The following RREB1 variants were observed in gnomAD, a reference collection of about 807,000 sequenced individuals.
The protein encoded by RREB1 is ras-responsive element-binding protein 1.
A neutral mutation model predicts 117.8 loss-of-function variants in RREB1; 27 were observed. The ratio of observed to expected loss-of-function variants is 0.23; its 90% CI spans 0.17 to 0.32. RREB1 has a LOEUF of 0.32. Ranked by LOEUF, RREB1 falls within the 10% of genes least tolerant of loss-of-function variation. The probability of loss-of-function intolerance (pLI) is 1.00; values close to 1 mark genes in which losing one functional copy is unlikely to be tolerated. For synonymous variants in RREB1, 1,298 were observed against 1,026.7 expected, an observed-to-expected ratio of 1.26 and a Z score of -5.05; for missense variants, 2,577 against 2,378.2, an observed-to-expected ratio of 1.08 and a Z score of -1.74.
chr6:7,138,999 A>G (rs1738827166), intron 1 of RREB1, among the ~76,000 whole-genome samples: 1 of 152,168 alleles, frequency 6.6e-6, no homozygotes, highest in Admixed American at 6.5e-5. Flanking sequence ...AGGTTCACAC[A>G]TGTGAGAACA....
At chr6:7,218,660 C>T (rs1411956156) in intron 8 of RREB1, 1 of 152,004 alleles carries the variant, frequency 6.6e-6, no homozygotes. Context: ...GATAGTTATT[C>T]CTGATAAGTA....
At chr6:7,222,476 A>G (rs911141555) in intron 8 of RREB1, among the ~76,000 whole-genome samples, 6 of 151,960 alleles carry the variant, frequency 3.9e-5, no homozygotes, top group African/African-American at 9.7e-5. Context: ...CCTACCACCC[A>G]CTGTTCCACA....
At chr6:7,118,723 C>A (rs181791389) in intron 1 of RREB1, among the ~76,000 whole-genome samples, 3 of 150,932 alleles carry the variant, frequency 2.0e-5, no homozygotes, top group Admixed American at 2.0e-4. Flanking sequence ...GAGTGTGATT[C>A]AGTATGAGAT....
intron 2 of RREB1, 104 bp from the exon 3 acceptor site, chr6:7,181,020 A>C (rs1198594579): frequency 2.5e-6 from 1 of 394,726 alleles, no homozygotes; most frequent in African/African-American, 2.1e-5. Flanking sequence ...TGCTCCTTGC[A>C]TTGTTGTGAA....
chr6:7,240,066 G>T (rs546360612), intron 10 of RREB1, among the ~76,000 whole-genome samples: 12 of 152,346 alleles, frequency 7.9e-5, no homozygotes, highest in African/African-American at 2.6e-4. Flanking sequence ...TCGTTAGAGG[G>T]CGTCTTTCTC....
intron 1 of RREB1, among the ~76,000 whole-genome samples, chr6:7,155,589 G>A (rs1763328748): frequency 6.6e-6 from 1 of 152,268 alleles, no homozygotes; most frequent in South Asian, 2.1e-4. Context: ...GGGATTACAG[G>A]CGTGAGCCAC....
At chr6:7,243,410 C>T (rs556210679) in intron 11 of RREB1, among the ~76,000 whole-genome samples, 3 of 152,208 alleles carry the variant, frequency 2.0e-5, no homozygotes, top group Middle Eastern at 3.4e-3. Context: ...CAACACAAAC[C>T]GAGGGACTGA....
In RREB1 at chr6:7,162,284, AAG is replaced by A. The variant is rs907610214; in HGVS notation, c.-284-14369_-284-14368del. 5.9e-5 allele frequency among the ~76,000 whole-genome samples: 9 copies of A among 152,312 alleles called. No homozygotes were observed. In the East Asian group the frequency reaches 1.2e-3, roughly 20 times the overall value. On this transcript the variant is annotated intron_variant, in intron 1 of 12. Coordinates refer to ENST00000379938, the MANE Select transcript of RREB1 (RefSeq NM_001003699.4). ...ATGGCAGTTTACCCTAAAAAAAAAA[AAG>A]AATGAATTCAGCATTGTGAGAAACT...
chr6:7,235,358 G>A (rs1768253068), intron 10 of RREB1, among the ~76,000 whole-genome samples: 1 of 152,162 alleles, frequency 6.6e-6, no homozygotes, highest in African/African-American at 2.4e-5. Flanking sequence ...TGGCTCCCTA[G>A]GCTTCTGTGA....
At chr6:7,159,450 C>A (rs1009327255) in intron 1 of RREB1, among the ~76,000 whole-genome samples, 1 of 152,220 alleles carries the variant, frequency 6.6e-6, no homozygotes, top group Admixed American at 6.5e-5. Flanking sequence ...GATGTCTCCC[C>A]TCTCGTTCCT....
At position 7,157,131 on chromosome 6, in the gene RREB1, ATTAAT is replaced by A. The variant is rs1763408807; in HGVS notation, c.-284-19522_-284-19518del. Among the ~76,000 whole-genome samples the A allele has an allele frequency of 5.9e-5, 9 of 152,240 alleles. No individual in the cohort carries two copies. In the South Asian group the frequency reaches 1.9e-3, roughly 32 times the overall value. Reference sequence around the variant, plus strand: ...ACTGCCCATTTTTTGGAGATGACTAATTAATTAGTAAAATATTTGGCTGGGCGCGG... The same window carrying A: ...ACTGCCCATTTTTTGGAGATGACTAATAGTAAAATATTTGGCTGGGCGCGG... On this transcript the variant is annotated intron_variant, in intron 1 of 12. Coordinates refer to ENST00000379938, the MANE Select transcript of RREB1 (RefSeq NM_001003699.4).
At chr6:7,125,021 CTG>C (rs1339540629) in intron 1 of RREB1, among the ~76,000 whole-genome samples, 1 of 152,214 alleles carries the variant, frequency 6.6e-6, no homozygotes, top group African/African-American at 2.4e-5. Context: ...GAGGGGAAAA[CTG>C]TTCTGGCTTG....
chr6:7,114,729 C>T (rs1437692453), intron 1 of RREB1, among the ~76,000 whole-genome samples: 2 of 152,088 alleles, frequency 1.3e-5, no homozygotes, highest in Non-Finnish European at 2.9e-5. Context: ...CTCTGAGGTA[C>T]CATGGTTGGC....
chr6:7,162,036 G>T (rs1763693608), intron 1 of RREB1, among the ~76,000 whole-genome samples: 2 of 152,112 alleles, frequency 1.3e-5, no homozygotes, highest in African/African-American at 4.8e-5. Context: ...CTTGAGCCCA[G>T]CATCATTCTG....
At chr6:7,155,913 T>TGA (rs1426075112) in intron 1 of RREB1, among the ~76,000 whole-genome samples, 1 of 152,236 alleles carries the variant, frequency 6.6e-6, no homozygotes, top group Non-Finnish European at 1.5e-5. Flanking sequence ...AGACTAGAAC[T>TGA]GAGACAGCTC....
At chr6:7,246,343 AGC>A (rs1769016799) in intron 11 of RREB1, 79 bp from the exon 12 acceptor site, 1 of 1,301,936 alleles carries the variant, frequency 7.7e-7, no homozygotes, top group African/African-American at 1.5e-5. Context: ...GCGTGGGTCT[AGC>A]CCATTCCCGG....
intron 10 of RREB1, among the ~76,000 whole-genome samples, chr6:7,235,962 C>A (rs1435832676): frequency 2.0e-5 from 3 of 152,166 alleles, no homozygotes; most frequent in South Asian, 2.1e-4. Flanking sequence ...TTTCATACCC[C>A]CTGGCACAGT....
chr6:7,249,092 AGAGAGAG>A lies in RREB1; in HGVS notation c.*125_*131del. ...GAGAGAGAGAGAGAGAGAGAGAGAG[AGAGAGAG>A]AGAGACAAGCAGGAGCGTGGCTGCT... On this transcript the variant is annotated 3_prime_UTR_variant, in exon 13 of 13. Transcript: ENST00000379938. 1 of 811,780 alleles carries A rather than the reference AGAGAGAG, an allele frequency of 1.2e-6. No individual in the cohort carries two copies. Among genetic ancestry groups the A allele is most frequent in the African/African-American group, 1.7e-5 (1 of 57,474 alleles). 50.3% of individuals were successfully genotyped at this position (811,780 alleles called of 1,614,324 possible). A position where few individuals can be genotyped will look rare whatever the true frequency, so the allele number is the denominator to read the frequency against.
At chr6:7,157,139 G>A (rs1341731349) in intron 1 of RREB1, among the ~76,000 whole-genome samples, 3 of 152,060 alleles carry the variant, frequency 2.0e-5, no homozygotes, top group Non-Finnish European at 4.4e-5. Flanking sequence ...TAATTAATTA[G>A]TAAAATATTT....
Sources: gnomAD v4.1 joint callset for allele counts (sites outside exome capture counted in the v4.1 genomes callset) on GRCh38, gnomAD v4.1.1 for gene constraint, MANE v1.5 for transcripts, NCBI Gene and HGNC (gene_info 2026-07-23, HGNC 2026-07-21) for gene names.